NCK2: variants seen among roughly 807,000 people sequenced by gnomAD.
NCK2 encodes the protein NCK adaptor protein 2.
In NCK2, 16 loss-of-function variants were observed where a neutral mutation model predicts 33.9. That is an observed-to-expected ratio of 0.47 (90% confidence interval 0.32 to 0.72). The LOEUF (loss-of-function observed/expected upper bound fraction) is 0.72. Among genes scored for constraint, NCK2 ranks in the 30% least tolerant of loss-of-function variants. The pLI, the probability that NCK2 is intolerant of heterozygous loss-of-function variation, is 0.03. For synonymous variants in NCK2, 273 were observed against 239.9 expected (o/e 1.14, Z -1.27); for missense variants, 418 against 537.3 (o/e 0.78, Z 2.19).
In NCK2 at chr2:105,881,414, G is replaced by A. The variant is rs1335454177; in HGVS notation, c.313G>A (p.Gly105Ser). 7 of 1,612,838 alleles carry A rather than the reference G, an allele frequency of 4.3e-6. No individual in the cohort carries two copies. Among genetic ancestry groups the A allele is most frequent in the East Asian group, 2.2e-5 (1 of 44,862 alleles). Reference protein sequence around the residue: ...TDAEYPANGSGADRIYDLNIP... With the variant: ...TDAEYPANGSSADRIYDLNIP... ...CGCCGAGTACCCCGCCAATGGCAGC[G>A]GCGCCGACCGCATCTACGACCTCAA... The change falls in exon 4 of 5, where the codon GGC becomes AGC. Residue 105 changes from glycine (G) to serine (S), a missense_variant. Transcript: ENST00000233154.
chr2:105,763,121 C>G (rs1689820622), intron 1 of NCK2, among the ~76,000 whole-genome samples: 1 of 152,150 alleles, frequency 6.6e-6, no homozygotes, highest in Non-Finnish European at 1.5e-5. Context: ...TTGCTTGAAC[C>G]CAGAAGGCAG....
intron 1 of NCK2, among the ~76,000 whole-genome samples, chr2:105,805,693 A>G (rs924923730): frequency 1.3e-5 from 2 of 152,180 alleles, no homozygotes; most frequent in African/African-American, 4.8e-5. Context: ...GAGATCATTC[A>G]GTATATGTCT....
intron 2 of NCK2, among the ~76,000 whole-genome samples, chr2:105,840,948 G>A (rs373976163): frequency 4.5e-4 from 68 of 150,370 alleles, no homozygotes; most frequent in African/African-American, 1.7e-3. Flanking sequence ...TCATTCTTAA[G>A]TAAATCCTTT....
At chr2:105,858,264 GT>G (rs1258342919) in intron 3 of NCK2, among the ~76,000 whole-genome samples, 1 of 152,030 alleles carries the variant, frequency 6.6e-6, no homozygotes, top group African/African-American at 2.4e-5. Context: ...GTTTGTTTTT[GT>G]TTTTGTTTTT....
At chr2:105,842,019 G>C (rs1278382521) in intron 2 of NCK2, among the ~76,000 whole-genome samples, 2 of 152,160 alleles carry the variant, frequency 1.3e-5, no homozygotes, top group African/African-American at 4.8e-5. Context: ...GTGTGAAGTA[G>C]GTGAGAGTTA....
At chr2:105,787,552 C>T (rs946806848) in intron 1 of NCK2, among the ~76,000 whole-genome samples, 1 of 152,148 alleles carries the variant, frequency 6.6e-6, no homozygotes, top group Non-Finnish European at 1.5e-5. Flanking sequence ...GGACTTGCAG[C>T]CTCCAGAGCT....
intron 1 of NCK2, among the ~76,000 whole-genome samples, chr2:105,791,842 A>G (rs1690893795): frequency 1.3e-5 from 2 of 152,188 alleles, no homozygotes; most frequent in African/African-American, 4.8e-5. Context: ...TGTATATTTA[A>G]CACCCGAATA....
intron 1 of NCK2, among the ~76,000 whole-genome samples, chr2:105,778,769 C>G (rs1308760533): frequency 3.3e-5 from 5 of 152,108 alleles, no homozygotes; most frequent in Non-Finnish European, 7.3e-5. Context: ...CTTGCCCAGG[C>G]TGGAGTGCAG....
intron 1 of NCK2, among the ~76,000 whole-genome samples, chr2:105,750,072 C>CACACAA (rs1689408554): frequency 1.1e-4 from 7 of 64,948 alleles, no homozygotes; most frequent in Non-Finnish European, 2.3e-4. Context: ...ACACACAAAA[C>CACACAA]AACAACAACA....
In NCK2 at chr2:105,807,870, C is replaced by T. The variant is rs1186654957; in HGVS notation, c.-200-8560C>T. 6.9e-5 allele frequency among the ~76,000 whole-genome samples: 8 copies of T among 115,846 alleles called. No homozygotes were observed. The East Asian group carries it at 2.0e-3, about 28-fold the overall frequency. 76.0% of individuals were successfully genotyped at this position (115,846 alleles called of 152,430 possible). A position where few individuals can be genotyped will look rare whatever the true frequency, so the allele number is the denominator to read the frequency against. ...CCCTCCCTCCCTCCCTTCTCTCTAT[C>T]TCTCCCTCCCTCCCTTCTCTCTATC... On this transcript the variant is annotated intron_variant, in intron 1 of 4. Transcript: ENST00000233154.
chr2:105,753,976 T>A (rs997471284), intron 1 of NCK2, among the ~76,000 whole-genome samples: 5 of 152,178 alleles, frequency 3.3e-5, no homozygotes, highest in Non-Finnish European at 7.3e-5. Flanking sequence ...CCAAGTGAGT[T>A]GTCTGTGCCA....
chr2:105,840,758 G>A (rs1302348854), intron 2 of NCK2, among the ~76,000 whole-genome samples: 1 of 152,318 alleles, frequency 6.6e-6, no homozygotes, highest in East Asian at 1.9e-4. Flanking sequence ...TTTTGTAAGG[G>A]AAAATAAAAA....
intron 1 of NCK2, among the ~76,000 whole-genome samples, chr2:105,793,347 G>A (rs922716837): frequency 2.6e-5 from 4 of 152,152 alleles, no homozygotes; most frequent in African/African-American, 4.8e-5. Context: ...CATTTAGTAT[G>A]GAAATTAGAT....
chr2:105,745,621 G>C (rs960676865), intron 1 of NCK2: 4 of 152,496 alleles, frequency 2.6e-5, no homozygotes, highest in African/African-American at 9.6e-5. Flanking sequence ...CGCAGGGACG[G>C]GGGAGGCCGC....
intron 4 of NCK2, among the ~76,000 whole-genome samples, chr2:105,891,210 A>G (rs1483657137): frequency 6.6e-6 from 1 of 151,672 alleles, no homozygotes; most frequent in Non-Finnish European, 1.5e-5. Context: ...GCACGCTCAC[A>G]CACTTAGAGC....
chr2:105,769,262 G>A (rs968313127), intron 1 of NCK2, among the ~76,000 whole-genome samples: 3 of 151,388 alleles, frequency 2.0e-5, no homozygotes, highest in African/African-American at 7.3e-5. Context: ...CTGTCAGCCT[G>A]CTGCCCCGCC....
chr2:105,796,991 G>C (rs902485672), intron 1 of NCK2, among the ~76,000 whole-genome samples: 1 of 152,186 alleles, frequency 6.6e-6, no homozygotes, highest in African/African-American at 2.4e-5. Flanking sequence ...AGTGTTTGCT[G>C]TGATGATGGT....
intron 2 of NCK2, among the ~76,000 whole-genome samples, chr2:105,818,753 A>G (rs1357845750): frequency 1.3e-5 from 2 of 152,194 alleles, no homozygotes; most frequent in African/African-American, 4.8e-5. Context: ...TGAAACTATC[A>G]TGTTGGACTA....
chr2:105,807,131 C>T (rs1675075301), intron 1 of NCK2, among the ~76,000 whole-genome samples: 1 of 152,188 alleles, frequency 6.6e-6, no homozygotes, highest in Non-Finnish European at 1.5e-5. Context: ...CCCTTGTAGC[C>T]TGCTCCCTGG....
Sources: allele counts gnomAD v4.1 joint callset (sites outside exome capture counted in the v4.1 genomes callset), GRCh38; gene constraint gnomAD v4.1.1; transcripts MANE v1.5; gene names NCBI Gene and HGNC (gene_info 2026-07-23, HGNC 2026-07-21).